Variants in SAMD12 observed in about 807,000 individuals in gnomAD.
SAMD12 encodes the protein sterile alpha motif domain containing 12.
In SAMD12, 9 loss-of-function variants were observed where a neutral mutation model predicts 15.0. That is an observed-to-expected ratio of 0.60 (90% CI 0.36 to 1.05). SAMD12 has a LOEUF of 1.05. Among genes scored for constraint, SAMD12 ranks in the 50% least tolerant of loss-of-function variants. The pLI is 0.01. For missense variants in SAMD12, 230 were observed against 234.2 expected (o/e 0.98, Z 0.12); for synonymous variants, 86 against 90.1 (o/e 0.96, Z 0.25).
chr8:118,540,498 T>C (rs897048896), intron 2 of SAMD12, among the ~76,000 whole-genome samples: 1 of 152,140 alleles, frequency 6.6e-6, no homozygotes, highest in African/African-American at 2.4e-5. Context: ...TGGGTGTGTA[T>C]ATATACAGGG....
intron 1 of SAMD12, among the ~76,000 whole-genome samples, chr8:118,600,109 T>A (rs1402497866): frequency 6.6e-6 from 1 of 152,218 alleles, no homozygotes; most frequent in East Asian, 1.9e-4. Context: ...GGTCTTTAGA[T>A]GTCAGTGAAG....
At chr8:118,167,827 T>C in the SAMD12 span, among the ~76,000 whole-genome samples, 2 of 152,024 alleles carry the variant, frequency 1.3e-5, no homozygotes, top group African/African-American at 2.4e-5. Context: ...TGGCCCACTA[T>C]AATGAGCAAC....
At chr8:118,554,747 A>G (rs1244629502) in intron 2 of SAMD12, among the ~76,000 whole-genome samples, 1 of 152,160 alleles carries the variant, frequency 6.6e-6, no homozygotes, top group Non-Finnish European at 1.5e-5. Context: ...CCTTTATGAT[A>G]TGGGTGGGTC....
intron 3 of SAMD12, among the ~76,000 whole-genome samples, chr8:118,426,359 AC>A (rs1301493681): frequency 1.3e-5 from 2 of 152,126 alleles, no homozygotes; most frequent in African/African-American, 4.8e-5. Context: ...TTCACCTGTA[AC>A]AGCTTGCAAG....
At chr8:118,145,927 C>T in the SAMD12 span, among the ~76,000 whole-genome samples, 1 of 152,212 alleles carries the variant, frequency 6.6e-6, no homozygotes, top group Non-Finnish European at 1.5e-5. Context: ...CAGCTGGAGG[C>T]TGTCAGCTAA....
chr8:118,341,682 A>G (rs1246216730), intron 4 of SAMD12, among the ~76,000 whole-genome samples: 2 of 152,158 alleles, frequency 1.3e-5, no homozygotes. Context: ...CCGCTTTTAT[A>G]AGGGCACTGA....
Position 118,248,641 on chromosome 8 carries a change from T to TA in SAMD12, c.434-50910dup, listed in dbSNP as rs373116311. ...TTACTGAATAGATGACTTTTTTTTT[T>TA]ATACATCAGAAGATGTACACCCTCT... On this transcript the variant is annotated intron_variant, in intron 4 of 4. Transcript: ENST00000409003. Among the ~76,000 whole-genome samples, 7 of 151,984 alleles carry TA rather than the reference T, an allele frequency of 4.6e-5. No homozygotes were observed. In the East Asian group the frequency reaches 1.4e-3, roughly 29 times the overall value.
At chr8:118,345,600 A>C (rs1817595169) in intron 4 of SAMD12, among the ~76,000 whole-genome samples, 1 of 152,244 alleles carries the variant, frequency 6.6e-6, no homozygotes, top group Non-Finnish European at 1.5e-5. Flanking sequence ...ATGCAGCATA[A>C]GCGTGGGGTG....
intron 4 of SAMD12, among the ~76,000 whole-genome samples, chr8:118,331,806 A>C (rs575793545): frequency 8.5e-5 from 13 of 152,318 alleles, no homozygotes; most frequent in African/African-American, 2.4e-4. Flanking sequence ...AACAACAAAA[A>C]CTGGGAGGTT....
At chr8:118,510,088 G>A (rs886424179) in intron 2 of SAMD12, among the ~76,000 whole-genome samples, 3 of 151,968 alleles carry the variant, frequency 2.0e-5, no homozygotes, top group Non-Finnish European at 4.4e-5. Context: ...CACTTTAATG[G>A]AAAAGCCACT....
intron 2 of SAMD12, among the ~76,000 whole-genome samples, chr8:118,448,641 T>C (rs560105545): frequency 1.9e-3 from 289 of 152,336 alleles, no homozygotes; most frequent in Non-Finnish European, 3.6e-3. Flanking sequence ...TTCTCCTATA[T>C]TGAGCCAAAA....
intron 4 of SAMD12, among the ~76,000 whole-genome samples, chr8:118,199,186 A>G (rs891162622): frequency 6.6e-6 from 1 of 152,238 alleles, no homozygotes; most frequent in African/African-American, 2.4e-5. Flanking sequence ...TACTGTCATC[A>G]TAGTATTTTG....
the SAMD12 span, among the ~76,000 whole-genome samples, chr8:118,158,381 G>A: frequency 1.2e-4 from 19 of 152,370 alleles, no homozygotes; most frequent in African/African-American, 4.3e-4. Flanking sequence ...CAGCTGCAAT[G>A]GTGGAGGTGC....
chr8:118,466,413 C>T (rs577315202), intron 2 of SAMD12, among the ~76,000 whole-genome samples: 1 of 152,278 alleles, frequency 6.6e-6, no homozygotes, highest in Non-Finnish European at 1.5e-5. Context: ...CATTTTATTA[C>T]ACTACATAAT....
At chr8:118,147,111 G>A in the SAMD12 span, among the ~76,000 whole-genome samples, 1 of 151,614 alleles carries the variant, frequency 6.6e-6, no homozygotes, top group East Asian at 1.9e-4. Flanking sequence ...TGAAAACTCT[G>A]CCTCCTGGGT....
intron 4 of SAMD12, chr8:118,284,167 T>C (rs1351758974): frequency 1.7e-5 from 7 of 413,938 alleles, no homozygotes; most frequent in Non-Finnish European, 3.3e-5. Context: ...ATAACCCCGA[T>C]GGCCACTTTT....
chr8:118,379,647 G>C lies in SAMD12; in HGVS notation c.376C>G (p.Gln126Glu). 4.3e-6 allele frequency: 7 copies of C among 1,613,854 alleles called. No homozygotes were observed. Among genetic ancestry groups the C allele is most frequent in the Non-Finnish European group, 5.1e-6 (6 of 1,179,842 alleles). ...DKKLERMGIA[Q>E]ENLRQHILQQ... ...AAGATGTGCTGCCGGAGGTTCTCCT[G>C]GGCAATCCCCATTCGCTCGAGCTTT... Residue 126 changes from glutamine to glutamate, a missense_variant, in exon 4 of 4, where the codon CAG becomes GAG. Physicochemically the swap from Gln to Glu is conservative, Grantham distance 29. Coordinates refer to ENST00000314727, the MANE Select transcript of SAMD12 (RefSeq NM_207506.3).
intron 2 of SAMD12, among the ~76,000 whole-genome samples, chr8:118,565,830 C>A (rs1426401437): frequency 6.6e-6 from 1 of 152,206 alleles, no homozygotes; most frequent in Non-Finnish European, 1.5e-5. Context: ...AGTGATCTTT[C>A]ATTCCTCTCT....
At chr8:118,517,835 T>TA (rs1302947314) in intron 2 of SAMD12, among the ~76,000 whole-genome samples, 1 of 152,208 alleles carries the variant, frequency 6.6e-6, no homozygotes, top group Non-Finnish European at 1.5e-5. Context: ...AACTCATACC[T>TA]ACTACTTCCA....
Sources: gnomAD v4.1 joint callset for allele counts (sites outside exome capture counted in the v4.1 genomes callset) on GRCh38, gnomAD v4.1.1 for gene constraint, MANE v1.5 for transcripts, NCBI Gene and HGNC (gene_info 2026-07-23, HGNC 2026-07-21) for gene names.